The following ASTN2 variants were observed in gnomAD, a reference collection of about 807,000 sequenced individuals.
The protein encoded by ASTN2 is astrotactin 2.
A neutral mutation model predicts 139.8 loss-of-function variants in ASTN2; 54 were observed. The ratio of observed to expected loss-of-function variants is 0.39; its 90% CI spans 0.31 to 0.48. The LOEUF (loss-of-function observed/expected upper bound fraction) is 0.48, where lower values mean the gene tolerates loss of function less well. Among genes scored for constraint, ASTN2 ranks in the 20% least tolerant of loss-of-function variants. ASTN2 has a pLI of 0.95. For synonymous variants in ASTN2, 756 were observed against 719.5 expected (o/e 1.05, Z -0.81); for missense variants, 1,565 against 1,725.1 (o/e 0.91, Z 1.64).
At chr9:117,044,580 C>A (rs879510907) in intron 5 of ASTN2, among the ~76,000 whole-genome samples, 1 of 152,180 alleles carries the variant, frequency 6.6e-6, no homozygotes, top group Non-Finnish European at 1.5e-5. Flanking sequence ...GAAACTATCT[C>A]TCCCATAATA....
chr9:117,290,843 C>T (rs112873850), intron 2 of ASTN2, among the ~76,000 whole-genome samples: 48 of 152,310 alleles, frequency 3.2e-4, no homozygotes, highest in Middle Eastern at 6.8e-3. Flanking sequence ...ACAATGGCTA[C>T]GTCCAGCCCA....
At chr9:117,299,108 A>C (rs1218187072) in intron 1 of ASTN2, among the ~76,000 whole-genome samples, 1 of 152,206 alleles carries the variant, frequency 6.6e-6, no homozygotes, top group Non-Finnish European at 1.5e-5. Context: ...CTCTGTTATG[A>C]TTCTGTTTAG....
chr9:116,501,999 C>A (rs1260034303), intron 19 of ASTN2, among the ~76,000 whole-genome samples: 1 of 151,942 alleles, frequency 6.6e-6, no homozygotes, highest in Non-Finnish European at 1.5e-5. Flanking sequence ...AGGCAACAAG[C>A]CTCCAGAAGG....
chr9:117,268,817 T>C (rs367846640), intron 2 of ASTN2, among the ~76,000 whole-genome samples: 3 of 152,312 alleles, frequency 2.0e-5, no homozygotes, highest in African/African-American at 7.2e-5. Context: ...CTCAAGTCTG[T>C]CACTCTAGTT....
At chr9:116,813,265 T>C (rs529781938) in intron 12 of ASTN2, among the ~76,000 whole-genome samples, 4 of 152,330 alleles carry the variant, frequency 2.6e-5, no homozygotes, top group Admixed American at 2.0e-4. Flanking sequence ...CATCACATTA[T>C]AGAGAATACC....
At chr9:116,900,152 C>T (rs1564330536) in intron 10 of ASTN2, among the ~76,000 whole-genome samples, 1 of 152,188 alleles carries the variant, frequency 6.6e-6, no homozygotes, top group Non-Finnish European at 1.5e-5. Flanking sequence ...TTCTCTATTG[C>T]AATGCTGCTG....
At chr9:116,649,461 C>G (rs1857782502) in intron 17 of ASTN2, among the ~76,000 whole-genome samples, 1 of 151,508 alleles carries the variant, frequency 6.6e-6, no homozygotes. Context: ...GTAATCCCAG[C>G]TACTCCGGAG....
intron 1 of ASTN2, among the ~76,000 whole-genome samples, chr9:117,320,784 A>G (rs532324612): frequency 7.2e-5 from 11 of 151,844 alleles, no homozygotes; most frequent in African/African-American, 2.7e-4. Context: ...TCAACCCCAA[A>G]CTCCCCGTAA....
chr9:116,554,932 A>G (rs1852533532), intron 19 of ASTN2, among the ~76,000 whole-genome samples: 1 of 152,176 alleles, frequency 6.6e-6, no homozygotes, highest in Admixed American at 6.5e-5. Context: ...TGCAGGAGAC[A>G]CTGTGCTTGT....
chr9:116,973,028 T>A (rs1401410649), intron 10 of ASTN2, among the ~76,000 whole-genome samples: 1 of 152,234 alleles, frequency 6.6e-6, no homozygotes, highest in Non-Finnish European at 1.5e-5. Context: ...GGCAATGTCA[T>A]GTCAAACAAG....
At chr9:116,663,237 T>C (rs1171246526) in intron 16 of ASTN2, among the ~76,000 whole-genome samples, 3 of 152,142 alleles carry the variant, frequency 2.0e-5, no homozygotes, top group Admixed American at 6.6e-5. Flanking sequence ...TCCCAGATTG[T>C]CCCACTTGAA....
intron 1 of ASTN2, among the ~76,000 whole-genome samples, chr9:117,409,178 TTC>T (rs1831091171): frequency 1.3e-5 from 2 of 152,180 alleles, no homozygotes; most frequent in South Asian, 4.1e-4. Context: ...CCCAGAATCT[TTC>T]TCTCACACAT....
intron 17 of ASTN2, among the ~76,000 whole-genome samples, chr9:116,634,855 G>A (rs1350056391): frequency 6.6e-6 from 1 of 151,934 alleles, no homozygotes; most frequent in African/African-American, 2.4e-5. Flanking sequence ...GATCTCTAAG[G>A]GTAAGACAAT....
chr9:117,413,199 C>T (rs902901001), intron 1 of ASTN2, among the ~76,000 whole-genome samples: 1 of 152,262 alleles, frequency 6.6e-6, no homozygotes, highest in Non-Finnish European at 1.5e-5. Context: ...CACAAAAATA[C>T]TTTTAACAAT....
chr9:116,931,214 C>A (rs535487032), intron 10 of ASTN2, among the ~76,000 whole-genome samples: 32 of 152,312 alleles, frequency 2.1e-4, no homozygotes, highest in Middle Eastern at 3.4e-3. Context: ...GCCTTTATCG[C>A]TAAGCCTCAT....
At chr9:117,380,039 T>C (rs1830225265) in intron 1 of ASTN2, among the ~76,000 whole-genome samples, 1 of 152,086 alleles carries the variant, frequency 6.6e-6, no homozygotes, top group Non-Finnish European at 1.5e-5. Flanking sequence ...TGAAAGGTTT[T>C]AGAGAACGAG....
At chr9:116,689,747 G>A (rs1289755697) in intron 16 of ASTN2, among the ~76,000 whole-genome samples, 1 of 152,140 alleles carries the variant, frequency 6.6e-6, no homozygotes, top group East Asian at 1.9e-4. Context: ...TAGGTAGGGA[G>A]GAGCCCTGGA....
At chr9:117,050,638 G>C (rs574984351) in intron 5 of ASTN2, among the ~76,000 whole-genome samples, 1 of 152,266 alleles carries the variant, frequency 6.6e-6, no homozygotes, top group East Asian at 1.9e-4. Context: ...AACAGAGCTA[G>C]AATATGAACC....
At chr9:117,014,051 A>T (rs2086529008) in intron 6 of ASTN2, among the ~76,000 whole-genome samples, 1 of 152,150 alleles carries the variant, frequency 6.6e-6, no homozygotes, top group African/African-American at 2.4e-5. Flanking sequence ...TCTTTGGGTA[A>T]AAATAATTAA....
Sources: allele counts gnomAD v4.1 joint callset (sites outside exome capture counted in the v4.1 genomes callset), GRCh38; gene constraint gnomAD v4.1.1; transcripts MANE v1.5; gene names NCBI Gene and HGNC (gene_info 2026-07-23, HGNC 2026-07-21).